CYB5R3: variants seen among roughly 807,000 people sequenced by gnomAD.
CYB5R3 encodes cytochrome b5 reductase 3.
In CYB5R3, 28 loss-of-function variants were observed where a neutral mutation model predicts 36.5. The ratio of observed to expected loss-of-function variants is 0.77; its 90% CI spans 0.57 to 1.05. CYB5R3 has a LOEUF of 1.05. Ranked by LOEUF, CYB5R3 falls within the 50% of genes least tolerant of loss-of-function variation. The pLI, the probability that CYB5R3 is intolerant of heterozygous loss-of-function variation, is 0.00. For missense variants in CYB5R3, 474 were observed against 408.9 expected (o/e 1.16, Z -1.37); for synonymous variants, 181 against 159.8 (o/e 1.13, Z -1.00).
intron 1 of CYB5R3, among the ~76,000 whole-genome samples, chr22:42,639,583 A>T (rs1311265629): frequency 1.3e-5 from 2 of 150,656 alleles, no homozygotes; most frequent in African/African-American, 2.4e-5. Context: ...AGCCGAGATC[A>T]TGCCACTGGA....
At chr22:42,649,034 G>A (rs1398400292) in intron 1 of CYB5R3, among the ~76,000 whole-genome samples, 2 of 152,172 alleles carry the variant, frequency 1.3e-5, no homozygotes, top group Non-Finnish European at 2.9e-5. Context: ...AGGTGCCCCC[G>A]GGTGCTGGGC....
In CYB5R3 at chr22:42,630,989, C is replaced by T; in HGVS notation, c.227-1G>A. On this transcript the variant is annotated splice_acceptor_variant, in intron 3 of 8. Transcript: ENST00000352397. LOFTEE classifies it high-confidence loss of function. ...CGAGCCGAGAGGTAGATGTGCTGGCCTGCAGGACAGAACGGGGTCACTCTG... is the reference window on the plus strand; with the variant it reads ...CGAGCCGAGAGGTAGATGTGCTGGCTTGCAGGACAGAACGGGGTCACTCTG... 1 of 1,613,466 alleles carries T rather than the reference C, an allele frequency of 6.2e-7. No homozygotes were observed. Among genetic ancestry groups the T allele is most frequent in the Non-Finnish European group, 8.5e-7 (1 of 1,179,714 alleles).
At chr22:42,640,124 G>A (rs781241872) in intron 1 of CYB5R3, 81 of 1,613,634 alleles carry the variant, frequency 5.0e-5, no homozygotes, top group Middle Eastern at 1.6e-4. Context: ...TTCAGGCTCT[G>A]AATAGCTCTA....
chr22:42,631,337 C>G, intron 3 of CYB5R3, 41 bp downstream of exon 3: 1 of 1,526,594 alleles, frequency 6.6e-7, no homozygotes, highest in African/African-American at 1.4e-5. Flanking sequence ...GCCCCAGCAG[C>G]CTGCCGGGCT....
At chr22:42,644,693 A>G (rs1173831445) in intron 1 of CYB5R3, 9 of 983,698 alleles carry the variant, frequency 9.1e-6, no homozygotes, top group Non-Finnish European at 1.1e-5. Context: ...CACGTGGAAT[A>G]GAGTCTAGGG....
Position 42,628,240 on chromosome 22 carries a change from C to G in CYB5R3, c.375G>C (p.Gly125=). The change falls in exon 5 of 9, where the codon GGG becomes GGC. Residue 125 remains glycine, a synonymous_variant. Coordinates refer to ENST00000352397, the MANE Select transcript of CYB5R3 (RefSeq NM_000398.7). Reference sequence around the variant, plus strand: ...TGCTCTCCAGGTACTGAGACATCTTCCCTCCAGCGGGAAACTTGGGATGGG... The same window carrying G: ...TGCTCTCCAGGTACTGAGACATCTTGCCTCCAGCGGGAAACTTGGGATGGG... ...KDTHPKFPAG[G]KMSQYLESMQ... 6.2e-7 allele frequency: 1 copy of G among 1,614,184 alleles called. No homozygotes were observed. Among genetic ancestry groups the G allele is most frequent in the Non-Finnish European group, 8.5e-7 (1 of 1,180,008 alleles).
At position 42,639,737 on chromosome 22, in the gene CYB5R3, G is replaced by A. The variant is rs2146900816; in HGVS notation, c.22-2891C>T. On this transcript the variant is annotated intron_variant, in intron 1 of 8. Transcript: ENST00000352397. ...CGCAAAGGAATGTCCTTGTTCTTAGGAGATACACACTGAAATATTTAGGGG... is the reference window on the plus strand; with the variant it reads ...CGCAAAGGAATGTCCTTGTTCTTAGAAGATACACACTGAAATATTTAGGGG... 3 of 526,360 alleles carry A rather than the reference G, an allele frequency of 5.7e-6. No homozygotes were observed. The East Asian group carries it at 9.7e-5, about 17-fold the overall frequency. 32.6% of individuals were successfully genotyped at this position (526,360 alleles called of 1,614,324 possible). A position where few individuals can be genotyped will look rare whatever the true frequency, so the allele number is the denominator to read the frequency against.
At position 42,641,353 on chromosome 22, in the gene CYB5R3, C is replaced by A. The variant is rs574864272; in HGVS notation, c.22-4507G>T. Among the ~76,000 whole-genome samples the A allele has an allele frequency of 1.3e-3, 198 of 151,908 alleles. 1 individual carries two copies. The highest frequency in any genetic ancestry group is 3.4e-3 in the Middle Eastern group (1 of 294). On this transcript the variant is annotated intron_variant, in intron 1 of 8. Coordinates refer to ENST00000352397, the MANE Select transcript of CYB5R3 (RefSeq NM_000398.7). ...TTATTTAAGACAGATCTGGCCCAGG[C>A]TGGAATGCAGTGGCGCGATCTTGTC...
At position 42,640,163 on chromosome 22, in the gene CYB5R3, G is replaced by A. The variant is rs375276982; in HGVS notation, c.22-3317C>T. On this transcript the variant is annotated intron_variant, in intron 1 of 8. Transcript: ENST00000352397. ...ATCTCAGCAGGGGTGGGAGGAACCA[G>A]CTCAACCGTGGTGTAGTACCAAAAT... The A allele has an allele frequency of 4.9e-4, 796 of 1,613,042 alleles. 11 individuals are homozygous for A. In the South Asian group the frequency reaches 8.4e-3, roughly 17 times the overall value.
At position 42,627,673 on chromosome 22, in the gene CYB5R3, C is replaced by G. The variant is rs147079106; in HGVS notation, c.479G>C (p.Arg160Pro). The G allele has an allele frequency of 6.2e-7, 1 of 1,613,900 alleles. No individual in the cohort carries two copies. Among genetic ancestry groups the G allele is most frequent in the South Asian group, 1.1e-5 (1 of 91,076 alleles). The change falls in exon 6 of 9, where the codon CGA (arginine) becomes CCA (proline). Residue 160 changes from arginine to proline, a missense_variant. By Grantham distance (103) the Arg-to-Pro change is moderately radical. Transcript: ENST00000352397. The part of the protein sequence containing the change: ...VYQGKGKFAI[R>P]PDKKSNPIIR... ...GATAGGGTTGGACTTTTTGTCAGGT[C>G]GGATGGCGAACTTCCCTGGGGAGAG... is the stretch of plus-strand genomic sequence containing the variant.
intron 2 of CYB5R3, among the ~76,000 whole-genome samples, chr22:42,634,971 A>ATT (rs1216844856): frequency 4.2e-5 from 5 of 118,766 alleles, no homozygotes; most frequent in East Asian, 2.5e-4. Flanking sequence ...CGCCCAGCTA[A>ATT]TTTTTTTTTT....
chr22:42,625,256 C>T (rs1928202082), intron 7 of CYB5R3, among the ~76,000 whole-genome samples: 1 of 152,084 alleles, frequency 6.6e-6, no homozygotes, highest in African/African-American at 2.4e-5. Flanking sequence ...CCTGTAATCT[C>T]AGCACTTTGG....
intron 1 of CYB5R3, chr22:42,640,331 A>C: frequency 7.1e-7 from 1 of 1,412,384 alleles, no homozygotes; most frequent in East Asian, 2.5e-5. Context: ...CACCCCCCGG[A>C]AGGACCCTGC....
At chr22:42,624,012 A>G in intron 7 of CYB5R3, 124 bp from the exon 8 acceptor site, 2 of 805,506 alleles carry the variant, frequency 2.5e-6, no homozygotes, top group Non-Finnish European at 4.2e-6. Flanking sequence ...AGCTTTCAGG[A>G]GGGGACTCGG....
intron 1 of CYB5R3, 43 bp downstream of exon 1, chr22:42,649,252 C>G: frequency 1.2e-6 from 1 of 805,510 alleles, no homozygotes; most frequent in Admixed American, 5.4e-5. Context: ...GGGTCCCAGT[C>G]CCTCGCGACG....
At chr22:42,635,951 A>G (rs1010145976) in intron 2 of CYB5R3, among the ~76,000 whole-genome samples, 5 of 152,240 alleles carry the variant, frequency 3.3e-5, no homozygotes, top group African/African-American at 1.2e-4. Context: ...ACCACGGCTC[A>G]TGCCTGTAAT....
At chr22:42,623,358 C>T (rs1236595704) in intron 8 of CYB5R3, among the ~76,000 whole-genome samples, 1 of 152,158 alleles carries the variant, frequency 6.6e-6, no homozygotes, top group African/African-American at 2.4e-5. Flanking sequence ...TCGGCCCAGC[C>T]CACTCCCCAG....
At chr22:42,628,350 G>A in intron 4 of CYB5R3, 69 bp from the exon 5 acceptor site, 2 of 1,592,128 alleles carry the variant, frequency 1.3e-6, no homozygotes, top group South Asian at 2.2e-5. Flanking sequence ...GCCCACAGTG[G>A]GAGACAAGTG....
intron 4 of CYB5R3, among the ~76,000 whole-genome samples, chr22:42,630,286 C>T (rs1017925217): frequency 2.0e-5 from 3 of 152,178 alleles, no homozygotes; most frequent in African/African-American, 7.2e-5. Flanking sequence ...TCCCAGACAA[C>T]ACCACACGAG....
Sources: allele counts gnomAD v4.1 joint callset (sites outside exome capture counted in the v4.1 genomes callset), GRCh38; gene constraint gnomAD v4.1.1; transcripts MANE v1.5; gene names NCBI Gene and HGNC (gene_info 2026-07-23, HGNC 2026-07-21).